Variants in CNTN5 observed in about 807,000 individuals in gnomAD.
The protein encoded by CNTN5 is contactin 5.
A neutral mutation model predicts 129.1 loss-of-function variants in CNTN5; 77 were observed. The observed-to-expected ratio is 0.60, with a 90% CI of 0.50 to 0.72. The LOEUF (loss-of-function observed/expected upper bound fraction) is 0.72. CNTN5 is among the 30% of genes least tolerant of loss of function. The pLI is 0.00. For synonymous variants in CNTN5, 509 were observed against 465.6 expected (o/e 1.09, Z -1.20); for missense variants, 1,478 against 1,328.8 (o/e 1.11, Z -1.75).
At chr11:100,088,040 T>TAA (rs57676591) in intron 13 of CNTN5, among the ~76,000 whole-genome samples, 83 of 148,406 alleles carry the variant, frequency 5.6e-4, no homozygotes, top group Middle Eastern at 3.5e-3. Flanking sequence ...AAGGCAGAAA[T>TAA]AAAAAAAAAA....
chr11:99,309,000 A>G (rs2135963724), intron 1 of CNTN5, among the ~76,000 whole-genome samples: 1 of 152,194 alleles, frequency 6.6e-6, no homozygotes, highest in Non-Finnish European at 1.5e-5. Context: ...TTTTGTATAT[A>G]TTGTATTCTC....
In CNTN5 at chr11:99,236,197, G is replaced by A. The variant is rs113202770; in HGVS notation, c.-209-89149G>A. 8.0e-3 allele frequency among the ~76,000 whole-genome samples: 1,223 copies of A among 152,166 alleles called. 3 individuals are homozygous for A. Among genetic ancestry groups the A allele is most frequent in the Admixed American group, 0.016 (244 of 15,286 alleles). On this transcript the variant is annotated intron_variant, in intron 1 of 24. Coordinates refer to ENST00000524871, the MANE Select transcript of CNTN5 (RefSeq NM_014361.4). ...TAATTGAGATAAAAATCTCCAAAAT[G>A]ATTGAGTTAACTTGGTTTAGTAATT...
At chr11:100,316,316 G>C (rs1951571458) in intron 21 of CNTN5, among the ~76,000 whole-genome samples, 1 of 152,106 alleles carries the variant, frequency 6.6e-6, no homozygotes, top group Non-Finnish European at 1.5e-5. Context: ...TCAGTATCGG[G>C]CACTATGCTG....
At chr11:100,058,872 A>G (rs1943349624) in intron 9 of CNTN5, among the ~76,000 whole-genome samples, 1 of 152,160 alleles carries the variant, frequency 6.6e-6, no homozygotes, top group African/African-American at 2.4e-5. Context: ...CTAGCTGGCT[A>G]CACAAATTAG....
intron 9 of CNTN5, chr11:100,003,957 A>G (rs1290647982): frequency 6.6e-6 from 1 of 152,232 alleles, no homozygotes; most frequent in Non-Finnish European, 1.5e-5. Context: ...TGCCACCCTT[A>G]TGAAAATAAA....
At chr11:99,216,201 A>G (rs555944953) in intron 1 of CNTN5, among the ~76,000 whole-genome samples, 192 of 152,114 alleles carry the variant, frequency 1.3e-3, no homozygotes, top group African/African-American at 4.5e-3. Context: ...CTCTATCTTC[A>G]TAAGTCCAGT....
chr11:99,446,984 C>T (rs183450573), intron 2 of CNTN5, among the ~76,000 whole-genome samples: 10 of 152,124 alleles, frequency 6.6e-5, no homozygotes, highest in African/African-American at 2.2e-4. Context: ...TGTTTTGAGG[C>T]GAAGGGAAGT....
chr11:100,250,030 G>A (rs772666873), intron 16 of CNTN5, among the ~76,000 whole-genome samples: 81 of 152,054 alleles, frequency 5.3e-4, no homozygotes, highest in African/African-American at 1.9e-3. Flanking sequence ...ATATCTGTAC[G>A]TTAATATGTT....
chr11:99,053,109 G>T (rs750499198), intron 1 of CNTN5, among the ~76,000 whole-genome samples: 6 of 151,750 alleles, frequency 4.0e-5, no homozygotes, highest in Admixed American at 2.6e-4. Context: ...TTCTATTTGT[G>T]TGACAAAAAG....
intron 7 of CNTN5, among the ~76,000 whole-genome samples, chr11:99,953,879 A>G (rs1422899069): frequency 6.6e-6 from 1 of 152,162 alleles, no homozygotes; most frequent in African/African-American, 2.4e-5. Context: ...CTTTTGTTGC[A>G]ATTGCTTTTG....
chr11:99,505,657 G>A (rs996915375), intron 2 of CNTN5, among the ~76,000 whole-genome samples: 43 of 152,160 alleles, frequency 2.8e-4, no homozygotes, highest in Non-Finnish European at 5.1e-4. Flanking sequence ...AGGCTTGGAT[G>A]CTGGAAGATA....
At chr11:100,260,587 C>T (rs1950174669) in intron 17 of CNTN5, among the ~76,000 whole-genome samples, 1 of 152,316 alleles carries the variant, frequency 6.6e-6, no homozygotes, top group South Asian at 2.1e-4. Flanking sequence ...CATCAAAAAG[C>T]TTATCCAAAA....
At chr11:99,344,769 C>A (rs1937705328) in intron 2 of CNTN5, among the ~76,000 whole-genome samples, 1 of 152,120 alleles carries the variant, frequency 6.6e-6, no homozygotes, top group Non-Finnish European at 1.5e-5. Flanking sequence ...AAATGACTGA[C>A]TTTGGAGACC....
chr11:99,657,808 G>C (rs1404698024), intron 3 of CNTN5, among the ~76,000 whole-genome samples: 1 of 151,952 alleles, frequency 6.6e-6, no homozygotes, highest in African/African-American at 2.4e-5. Context: ...AAAAATTCAA[G>C]GAAAATTTGT....
chr11:100,324,970 C>G (rs1177787872), intron 21 of CNTN5, among the ~76,000 whole-genome samples: 1 of 152,152 alleles, frequency 6.6e-6, no homozygotes, highest in East Asian at 1.9e-4. Context: ...ATAATACTGA[C>G]TGCCAGCATA....
At chr11:99,562,439 T>A (rs1468251298) in intron 3 of CNTN5, among the ~76,000 whole-genome samples, 1 of 152,164 alleles carries the variant, frequency 6.6e-6, no homozygotes, top group Admixed American at 6.5e-5. Flanking sequence ...TAAGAACTAT[T>A]AAGTCCACAG....
chr11:99,489,558 TG>T (rs1416202925), intron 2 of CNTN5, among the ~76,000 whole-genome samples: 7 of 152,216 alleles, frequency 4.6e-5, no homozygotes, highest in Non-Finnish European at 2.9e-5. Flanking sequence ...CTGACACCTG[TG>T]ATTAATGAAG....
At chr11:99,406,701 C>G (rs545818742) in intron 2 of CNTN5, among the ~76,000 whole-genome samples, 1 of 152,144 alleles carries the variant, frequency 6.6e-6, no homozygotes, top group African/African-American at 2.4e-5. Flanking sequence ...GGGACTATAG[C>G]CAAAAACCTT....
chr11:100,346,092 T>C (rs936498792), intron 23 of CNTN5, among the ~76,000 whole-genome samples: 3 of 152,168 alleles, frequency 2.0e-5, no homozygotes, highest in Non-Finnish European at 2.9e-5. Context: ...ATTTTATTAA[T>C]ACATTATATA....
Sources: allele counts gnomAD v4.1 joint callset (sites outside exome capture counted in the v4.1 genomes callset), GRCh38; gene constraint gnomAD v4.1.1; transcripts MANE v1.5; gene names NCBI Gene and HGNC (gene_info 2026-07-23, HGNC 2026-07-21).